The following ZMAT5 variants were observed in gnomAD, a reference collection of about 807,000 sequenced individuals.
ZMAT5 encodes the protein zinc finger matrin-type protein 5.
A neutral mutation model predicts 28.0 loss-of-function variants in ZMAT5; 23 were observed. The observed-to-expected ratio is 0.82, with a 90% confidence interval of 0.59 to 1.16. ZMAT5 has a LOEUF of 1.16. Ranked by LOEUF, ZMAT5 falls within the 50% of genes most tolerant of loss-of-function variation. The pLI, the probability that ZMAT5 is intolerant of heterozygous loss-of-function variation, is 0.00. For missense variants in ZMAT5, 173 were observed against 212.7 expected (o/e 0.81, Z 1.16); for synonymous variants, 76 against 84.1 (o/e 0.90, Z 0.52).
chr22:29,737,971 C>T (rs2067922377), intron 5 of ZMAT5, among the ~76,000 whole-genome samples: 1 of 152,086 alleles, frequency 6.6e-6, no homozygotes, highest in Admixed American at 6.5e-5. Flanking sequence ...CCCTGTTTTC[C>T]CTTCTGCAAG....
At chr22:29,758,079 G>C (rs1312959000) in intron 1 of ZMAT5, among the ~76,000 whole-genome samples, 2 of 152,128 alleles carry the variant, frequency 1.3e-5, no homozygotes, top group African/African-American at 4.8e-5. Context: ...CTTGGTCTGG[G>C]GGAAGCCAGC....
chr22:29,757,246 A>AC (rs972389820), intron 1 of ZMAT5, among the ~76,000 whole-genome samples: 4 of 151,596 alleles, frequency 2.6e-5, no homozygotes, highest in Non-Finnish European at 4.4e-5. Context: ...TTCACAGAAA[A>AC]AAAAAAAAAA....
intron 5 of ZMAT5, among the ~76,000 whole-genome samples, chr22:29,733,177 A>G (rs1208287121): frequency 6.6e-6 from 1 of 152,136 alleles, no homozygotes; most frequent in East Asian, 1.9e-4. Flanking sequence ...TTCCCACTTC[A>G]GCTCCCTCTG....
chr22:29,749,994 G>C (rs1009544853), intron 1 of ZMAT5, among the ~76,000 whole-genome samples: 1 of 152,038 alleles, frequency 6.6e-6, no homozygotes, highest in Admixed American at 6.6e-5. Context: ...TTTCCTTATA[G>C]CAATGTGAGA....
chr22:29,763,581 A>C (rs2068179925), intron 1 of ZMAT5, among the ~76,000 whole-genome samples: 1 of 151,908 alleles, frequency 6.6e-6, no homozygotes, highest in African/African-American at 2.4e-5. Context: ...CAGCCTGGGC[A>C]ACAGAACGAG....
At chr22:29,738,541 G>C in intron 4 of ZMAT5, 100 bp from the exon 5 acceptor site, 1 of 1,075,250 alleles carries the variant, frequency 9.3e-7, no homozygotes, top group South Asian at 1.4e-5. Context: ...CCCTGAGCAA[G>C]CCTGGGAAGT....
At chr22:29,743,623 G>C (rs2067984165) in intron 2 of ZMAT5, among the ~76,000 whole-genome samples, 1 of 151,702 alleles carries the variant, frequency 6.6e-6, no homozygotes, top group African/African-American at 2.4e-5. Flanking sequence ...GTAGAGATGG[G>C]GTTTCGCCAT....
chr22:29,755,491 GA>G (rs2068093757), intron 1 of ZMAT5, among the ~76,000 whole-genome samples: 1 of 152,078 alleles, frequency 6.6e-6, no homozygotes, highest in Admixed American at 6.6e-5. Context: ...GCAGAGAGGA[GA>G]AAAGAGGCTG....
At chr22:29,744,072 A>G (rs1212799806) in intron 2 of ZMAT5, among the ~76,000 whole-genome samples, 2 of 152,182 alleles carry the variant, frequency 1.3e-5, no homozygotes, top group African/African-American at 4.8e-5. Flanking sequence ...GCTGCTGTGA[A>G]AATGTCATCA....
chr22:29,733,807 C>T (rs769998243), intron 5 of ZMAT5, among the ~76,000 whole-genome samples: 10 of 152,208 alleles, frequency 6.6e-5, no homozygotes, highest in Non-Finnish European at 1.2e-4. Context: ...AGTCTCAGCC[C>T]CGTGCCCCTG....
At chr22:29,753,643 C>T (rs901678572) in intron 1 of ZMAT5, among the ~76,000 whole-genome samples, 2 of 152,140 alleles carry the variant, frequency 1.3e-5, no homozygotes, top group Admixed American at 6.6e-5. Context: ...GAGCCGAGAT[C>T]GAACCACTGC....
At chr22:29,763,279 C>T (rs1463708301) in intron 1 of ZMAT5, among the ~76,000 whole-genome samples, 2 of 92,354 alleles carry the variant, frequency 2.2e-5, no homozygotes, top group African/African-American at 3.3e-5. Context: ...GGCAACACAG[C>T]GAGACTCTGC....
chr22:29,763,622 TAATA>T (rs2068180459), intron 1 of ZMAT5, among the ~76,000 whole-genome samples: 1 of 149,070 alleles, frequency 6.7e-6, no homozygotes, highest in Non-Finnish European at 1.5e-5. Context: ...ATAATAATAA[TAATA>T]AATAAATAAA....
intron 1 of ZMAT5, among the ~76,000 whole-genome samples, chr22:29,762,711 T>C (rs1490816383): frequency 6.6e-6 from 1 of 152,218 alleles, no homozygotes; most frequent in Non-Finnish European, 1.5e-5. Flanking sequence ...TATTTCATTA[T>C]ATATTACAAT....
At chr22:29,745,228 G>A (rs957414732) in intron 2 of ZMAT5, among the ~76,000 whole-genome samples, 8 of 152,186 alleles carry the variant, frequency 5.3e-5, no homozygotes, top group Non-Finnish European at 8.8e-5. Context: ...AGGATTTGCT[G>A]CCTGACTTGA....
chr22:29,732,519 C>T (rs369138726), intron 5 of ZMAT5, among the ~76,000 whole-genome samples: 4 of 152,054 alleles, frequency 2.6e-5, no homozygotes, highest in Admixed American at 6.6e-5. Context: ...GGGTGGATCA[C>T]GAGATCAGGA....
At chr22:29,745,123 C>G (rs1348844579) in intron 2 of ZMAT5, among the ~76,000 whole-genome samples, 1 of 152,272 alleles carries the variant, frequency 6.6e-6, no homozygotes, top group Non-Finnish European at 1.5e-5. Context: ...TCTGGTCCAA[C>G]AGTCACACTA....
chr22:29,752,231 C>T (rs982492082), intron 1 of ZMAT5, among the ~76,000 whole-genome samples: 1 of 152,144 alleles, frequency 6.6e-6, no homozygotes, highest in Admixed American at 6.5e-5. Flanking sequence ...GCTAGCTGTC[C>T]CAAACACCAG....
At chr22:29,735,766 TCAC>T (rs1174739683) in intron 5 of ZMAT5, among the ~76,000 whole-genome samples, 7 of 152,180 alleles carry the variant, frequency 4.6e-5, no homozygotes, top group Admixed American at 6.5e-5. Flanking sequence ...TCTCATATGG[TCAC>T]CACTTCAACC....
Sources: allele counts gnomAD v4.1 joint callset (sites outside exome capture counted in the v4.1 genomes callset), GRCh38; gene constraint gnomAD v4.1.1; transcripts MANE v1.5; gene names NCBI Gene and HGNC (gene_info 2026-07-23, HGNC 2026-07-21).